NCAPH: variants seen among roughly 807,000 people sequenced by gnomAD.
The protein encoded by NCAPH is non-SMC condensin I complex subunit H, also known as condensin complex subunit 2.
Under a neutral mutation model 85.5 loss-of-function variants are expected in NCAPH, and 38 were observed. The ratio of observed to expected loss-of-function variants is 0.44; its 90% CI spans 0.34 to 0.58. The LOEUF (loss-of-function observed/expected upper bound fraction) is 0.58, where lower values mean the gene tolerates loss of function less well. Ranked by LOEUF, NCAPH falls within the 20% of genes least tolerant of loss-of-function variation. The pLI is 0.01. For synonymous variants in NCAPH, 301 were observed against 335.1 expected (o/e 0.90, Z 1.11); for missense variants, 789 against 916.6 (o/e 0.86, Z 1.80).
chr2:96,346,175 C>T (rs1020421226), intron 6 of NCAPH, among the ~76,000 whole-genome samples: 1 of 151,932 alleles, frequency 6.6e-6, no homozygotes, highest in Non-Finnish European at 1.5e-5. Flanking sequence ...TTTGGGTGCA[C>T]TCATGGGGGA....
Position 96,350,493 on chromosome 2 carries a change from TG to T in NCAPH, c.721-1334del, listed in dbSNP as rs112375483. 1.7e-4 allele frequency among the ~76,000 whole-genome samples: 25 copies of T among 151,338 alleles called. No homozygotes were observed. In the East Asian group the frequency reaches 3.3e-3, roughly 20 times the overall value. On this transcript the variant is annotated intron_variant, in intron 6 of 17. Transcript: ENST00000240423. The stretch of plus-strand genomic sequence containing the variant: ...AACCTATTTTTAGGTATTTTTAGGA[TG>T]GGGAAAAAAAATAGGTATTTTTAGG...
At chr2:96,364,638 C>A in intron 13 of NCAPH, 47 bp downstream of exon 13, 1 of 1,370,084 alleles carries the variant, frequency 7.3e-7, no homozygotes, top group South Asian at 1.2e-5. Flanking sequence ...GCCAGGGAGT[C>A]GTTTTTCTCT....
rs753204871 is a variant in NCAPH at position 96,341,778 on chromosome 2, C to T, written c.156C>T (p.Leu52=). The T allele has an allele frequency of 9.9e-6, 16 of 1,614,152 alleles. No homozygotes were observed. The highest frequency in any genetic ancestry group is 5.0e-5 in the Admixed American group (3 of 60,026). The change falls in exon 2 of 18, where the codon CTC becomes CTT. Residue 52 remains leucine, a synonymous_variant. Coordinates refer to ENST00000240423, the MANE Select transcript of NCAPH (RefSeq NM_015341.5). ...TCAATATTCCTGGCACCCCAGTCCT[C>T]GAAGACTTTCCTCAGAATGACGATG... The part of the protein sequence containing the change: ...APLNIPGTPV[L]EDFPQNDDEK...
At chr2:96,355,761 C>T (rs992628591) in intron 9 of NCAPH, among the ~76,000 whole-genome samples, 7 of 151,836 alleles carry the variant, frequency 4.6e-5, no homozygotes, top group African/African-American at 9.7e-5. Context: ...CCTGCCTTAG[C>T]CTCCCGAGTA....
At chr2:96,373,221 CTG>C in intron 17 of NCAPH, 69 bp from the exon 18 acceptor site, 1 of 1,328,376 alleles carries the variant, frequency 7.5e-7, no homozygotes, top group Non-Finnish European at 1.1e-6. Context: ...TACCTTGTGA[CTG>C]TGATTGGAAT....
chr2:96,337,892 C>G (rs1231619485), intron 1 of NCAPH, among the ~76,000 whole-genome samples: 3 of 151,848 alleles, frequency 2.0e-5, no homozygotes, highest in Non-Finnish European at 4.4e-5. Flanking sequence ...CCACCTATAT[C>G]TTTCTAATTC....
rs760431932 is a variant in NCAPH at position 96,354,358 on chromosome 2, G to T, written c.1178G>T (p.Trp393Leu). The part of the protein sequence containing the change: ...AVGDHEEFRS[W>L]KEPCQVQSCQ... ...GGGGATCATGAAGAGTTCAGGAGCT[G>T]GAAGGAGCCCTGCCAGGTTCAGAGC... The change falls in exon 9 of 18, where the codon TGG becomes TTG. Residue 393 changes from tryptophan to leucine, a missense_variant. Physicochemically the swap from Trp to Leu is moderately conservative, Grantham distance 61. Transcript: ENST00000240423. 7.5e-6 allele frequency: 12 copies of T among 1,605,962 alleles called. No individual in the cohort carries two copies. Among genetic ancestry groups the T allele is most frequent in the Non-Finnish European group, 1.0e-5 (12 of 1,175,276 alleles).
chr2:96,351,858 G>C lies in NCAPH; in HGVS notation c.748G>C (p.Ala250Pro), dbSNP rs781272811. 1 of 1,606,728 alleles carries C rather than the reference G, an allele frequency of 6.2e-7. No individual in the cohort carries two copies. Among genetic ancestry groups the C allele is most frequent in the South Asian group, 1.1e-5 (1 of 89,100 alleles). The change falls in exon 7 of 18, where the codon GCC (alanine) becomes CCC (proline). Residue 250 changes from alanine to proline, a missense_variant. Ala to Pro is a conservative substitution (Grantham distance 27). Transcript: ENST00000240423. ...EIDPMFQKTAASFDECSTAGV... is the reference protein window; with the variant it reads ...EIDPMFQKTAPSFDECSTAGV... ...TGATCCCATGTTTCAGAAGACAGCA[G>C]CCTCATTTGATGAGTGCAGCACAGC...
intron 9 of NCAPH, among the ~76,000 whole-genome samples, chr2:96,355,914 G>A (rs757761168): frequency 3.3e-5 from 5 of 152,036 alleles, no homozygotes; most frequent in East Asian, 1.9e-4. Context: ...GATTACAGGC[G>A]TGAGCCACTG....
At chr2:96,360,310 T>A (rs2104473275) in intron 11 of NCAPH, 61 bp downstream of exon 11, 1 of 1,025,508 alleles carries the variant, frequency 9.8e-7, no homozygotes, top group Non-Finnish European at 1.5e-6. Context: ...TGTGATTTTT[T>A]AAAATTCCGT....
At chr2:96,360,045 TTTGATAAGCC>T in intron 10 of NCAPH, 88 bp from the exon 11 acceptor site, 5 of 728,596 alleles carry the variant, frequency 6.9e-6, no homozygotes, top group South Asian at 3.1e-5. Context: ...GCCTTGTGGT[TTTGATAAGCC>T]TTGATAAGGC....
At position 96,375,541 on chromosome 2, in the gene NCAPH, C is replaced by T. The variant is rs2064823067; in HGVS notation, c.*2190C>T. Among the ~76,000 whole-genome samples the T allele has an allele frequency of 6.6e-6, 1 of 152,210 alleles. No homozygotes were observed. The highest frequency in any genetic ancestry group is 2.4e-5 in the African/African-American group (1 of 41,452). On this transcript the variant is annotated 3_prime_UTR_variant, in exon 18 of 18. Coordinates refer to ENST00000240423, the MANE Select transcript of NCAPH (RefSeq NM_015341.5). Reference sequence around the variant, plus strand: ...TGTGAGCAAGGAGCCCCTCACCAGACAGCAAATCTGCCGGCGTCTTGATCT... The same window carrying T: ...TGTGAGCAAGGAGCCCCTCACCAGATAGCAAATCTGCCGGCGTCTTGATCT...
Position 96,352,113 on chromosome 2 carries a change from A to T in NCAPH, c.910+93A>T, listed in dbSNP as rs537433001. 1,001 of 1,289,746 alleles carry T rather than the reference A, an allele frequency of 7.8e-4. 9 individuals are homozygous for T. Among genetic ancestry groups the T allele is most frequent in the East Asian group, 2.4e-3 (101 of 42,630 alleles). The allele number at this position is 1,289,746 out of a possible 1,614,324, so 79.9% of individuals were successfully genotyped here. A position where few individuals can be genotyped will look rare whatever the true frequency, so the allele number is the denominator to read the frequency against. ...GGTACAATAAGCCCATCATGCTCTTATGTTGCTTAAATTACCCAGAAGTTT... is the reference window on the plus strand; with the variant it reads ...GGTACAATAAGCCCATCATGCTCTTTTGTTGCTTAAATTACCCAGAAGTTT... On this transcript the variant is annotated intron_variant, in intron 7 of 17. Coordinates refer to ENST00000240423, the MANE Select transcript of NCAPH (RefSeq NM_015341.5).
chr2:96,370,190 C>T (rs956338376), intron 17 of NCAPH, among the ~76,000 whole-genome samples: 1 of 152,200 alleles, frequency 6.6e-6, no homozygotes, highest in African/African-American at 2.4e-5. Context: ...GGTCCCCAGC[C>T]AGCTGATGCA....
intron 9 of NCAPH, among the ~76,000 whole-genome samples, chr2:96,356,532 A>G (rs945873171): frequency 6.6e-6 from 1 of 152,230 alleles, no homozygotes; most frequent in Non-Finnish European, 1.5e-5. Context: ...TATTGCAGCA[A>G]CCCTATAATT....
At chr2:96,369,149 C>T (rs1320470490) in intron 16 of NCAPH, 86 bp downstream of exon 16, 1 of 1,308,610 alleles carries the variant, frequency 7.6e-7, no homozygotes, top group Non-Finnish European at 1.1e-6. Context: ...CAACCTGTTT[C>T]CTATGACATT....
chr2:96,354,860 T>C (rs977217199), intron 9 of NCAPH, among the ~76,000 whole-genome samples: 1 of 152,210 alleles, frequency 6.6e-6, no homozygotes, highest in Non-Finnish European at 1.5e-5. Flanking sequence ...ACCTGGGATC[T>C]AGTAATTACG....
chr2:96,354,827 A>G (rs2064501825), intron 9 of NCAPH, among the ~76,000 whole-genome samples: 1 of 152,250 alleles, frequency 6.6e-6, no homozygotes, highest in African/African-American at 2.4e-5. Context: ...GATTAGAACA[A>G]TGTAAAGCGT....
In NCAPH at chr2:96,362,900, AG is replaced by A. The variant is rs1176402806; in HGVS notation, c.1588-1580del. On this transcript the variant is annotated intron_variant, in intron 12 of 17. Coordinates refer to ENST00000240423, the MANE Select transcript of NCAPH (RefSeq NM_015341.5). Reference sequence around the variant, plus strand: ...AATGTTACATAGTCTTAGTTGATATAGCAGTGGCAGTGTTTGAAAAGATTGA... The same window carrying A: ...AATGTTACATAGTCTTAGTTGATATACAGTGGCAGTGTTTGAAAAGATTGA... Among the ~76,000 whole-genome samples the A allele has an allele frequency of 5.3e-5, 8 of 152,246 alleles. No individual in the cohort carries two copies. The East Asian group carries it at 1.5e-3, about 29-fold the overall frequency.
Sources: allele counts gnomAD v4.1 joint callset (sites outside exome capture counted in the v4.1 genomes callset), GRCh38; gene constraint gnomAD v4.1.1; transcripts MANE v1.5; gene names NCBI Gene and HGNC (gene_info 2026-07-23, HGNC 2026-07-21).